Variants in TLE2 observed in about 807,000 individuals in gnomAD.
TLE2 encodes the protein TLE family member 2, transcriptional corepressor.
TLE2 carries 74 observed loss-of-function variants against 97.2 expected under a neutral mutation model. That is an observed-to-expected ratio of 0.76 (90% CI 0.63 to 0.92). The LOEUF is 0.92. Ranked by LOEUF, TLE2 falls within the 40% of genes least tolerant of loss-of-function variation. The pLI is 0.00. For missense variants in TLE2, 1,038 were observed against 1,008.7 expected, an observed-to-expected ratio of 1.03 and a Z score of -0.39; for synonymous variants, 499 against 432.1, an observed-to-expected ratio of 1.15 and a Z score of -1.92.
chr19:3,029,021 G>A lies in TLE2; in HGVS notation c.-117C>T. ...GGCTGCCCGAAGAAAGAGGGAGGAG[G>A]GAGAAGCGGCGCGGGGCAAGGGACC... On this transcript the variant is annotated 5_prime_UTR_variant, in exon 1 of 20. Coordinates refer to ENST00000262953, the MANE Select transcript of TLE2 (RefSeq NM_003260.5). The A allele has an allele frequency of 6.6e-7, 1 of 1,507,866 alleles. No individual in the cohort carries two copies. Among genetic ancestry groups the A allele is most frequent in the South Asian group, 1.3e-5 (1 of 76,280 alleles). The allele number at this position is 1,507,866 out of a possible 1,614,324, so 93.4% of individuals were successfully genotyped here. A position where few individuals can be genotyped will look rare whatever the true frequency, so the allele number is the denominator to read the frequency against.
chr19:3,004,045 A>G (rs1246285489), intron 17 of TLE2, among the ~76,000 whole-genome samples: 1 of 152,084 alleles, frequency 6.6e-6, no homozygotes, highest in African/African-American at 2.4e-5. Flanking sequence ...CCTCCACCTC[A>G]TTTTAAGCAC....
chr19:3,003,627 G>C (rs1253110485), intron 17 of TLE2, among the ~76,000 whole-genome samples: 2 of 137,744 alleles, frequency 1.5e-5, no homozygotes, highest in Non-Finnish European at 3.0e-5. Context: ...GACAGAGCAA[G>C]ACTCTGTCTC....
intron 1 of TLE2, among the ~76,000 whole-genome samples, chr19:3,039,972 G>A (rs919316735): frequency 7.9e-5 from 12 of 152,204 alleles, no homozygotes; most frequent in East Asian, 1.9e-4. Flanking sequence ...CAAATAGCTC[G>A]ATAGATGAAA....
chr19:3,041,860 T>C (rs2145234335), intron 1 of TLE2, among the ~76,000 whole-genome samples: 1 of 152,220 alleles, frequency 6.6e-6, no homozygotes, highest in African/African-American at 2.4e-5. Flanking sequence ...CAGAGAGGCC[T>C]AGGGACCTGC....
intron 14 of TLE2, among the ~76,000 whole-genome samples, chr19:3,007,497 G>A (rs1019118603): frequency 2.0e-5 from 3 of 152,026 alleles, no homozygotes; most frequent in Non-Finnish European, 2.9e-5. Flanking sequence ...TGATCCTCCC[G>A]CCTTGGCCTC....
chr19:2,998,957 A>AT (rs2145098749), intron 19 of TLE2, among the ~76,000 whole-genome samples: 1 of 152,340 alleles, frequency 6.6e-6, no homozygotes, highest in Non-Finnish European at 1.5e-5. Context: ...TAAAGTCTAA[A>AT]TAAGTCCATG....
Position 3,028,405 on chromosome 19 carries a change from G to A in TLE2, c.123-23C>T, listed in dbSNP as rs775412143. 17 of 1,586,374 alleles carry A rather than the reference G, an allele frequency of 1.1e-5. No individual in the cohort carries two copies. The South Asian group carries it at 1.9e-4, about 18-fold the overall frequency. On this transcript the variant is annotated intron_variant, in intron 2 of 19. Transcript: ENST00000262953. The stretch of plus-strand genomic sequence containing the variant: ...AGGCTGAGAAGAAGAGAGAGGGCAA[G>A]GGGCTCCCACCCGCCCCATGTGGGC...
rs191977002 is a variant in TLE2, at chr19:3,017,890, G to C, written c.551-31C>G. 13,830 of 1,609,524 alleles carry C rather than the reference G, an allele frequency of 8.6e-3. 101 individuals are homozygous for C. Among genetic ancestry groups the C allele is most frequent in the Non-Finnish European group, 9.2e-3 (10,860 of 1,177,536 alleles). On this transcript the variant is annotated intron_variant, in intron 7 of 19. Coordinates refer to ENST00000262953, the MANE Select transcript of TLE2 (RefSeq NM_003260.5). ...AGATTGGGAATGGGATAAAGAGAAA[G>C]AAGGAGAAAGAATGAGGCGTTTGTA...
At chr19:3,015,793 G>A (rs2089689963) in intron 8 of TLE2, 33 bp from the exon 9 acceptor site, 1 of 1,512,440 alleles carries the variant, frequency 6.6e-7, no homozygotes, top group South Asian at 1.2e-5. Context: ...GGGAGAAAGG[G>A]TCAGGGCCCT....
At chr19:3,005,357 A>T in intron 17 of TLE2, 80 bp downstream of exon 17, 1 of 1,539,280 alleles carries the variant, frequency 6.5e-7, no homozygotes, top group Non-Finnish European at 8.7e-7. Flanking sequence ...CTGCCTCTGG[A>T]AGTGGGCACC....
chr19:3,044,939 C>T (rs931532798), intron 1 of TLE2, among the ~76,000 whole-genome samples: 5 of 151,318 alleles, frequency 3.3e-5, no homozygotes, highest in South Asian at 2.2e-4. Flanking sequence ...CAGGGAAAGC[C>T]GGGCGCGGTG....
At chr19:3,030,371 C>T (rs949304332), upstream of TLE2, among the ~76,000 whole-genome samples, 7 of 152,304 alleles carry the variant, frequency 4.6e-5, no homozygotes, top group East Asian at 5.8e-4. Context: ...CAGGCCCACC[C>T]GGGGAGTGGG....
intron 19 of TLE2, among the ~76,000 whole-genome samples, chr19:2,998,848 G>A (rs1281888160): frequency 6.6e-6 from 1 of 152,216 alleles, no homozygotes; most frequent in Non-Finnish European, 1.5e-5. Flanking sequence ...GTGTGCACCA[G>A]GCATGATGTC....
At chr19:2,998,245 G>A (rs1443887567) in intron 19 of TLE2, among the ~76,000 whole-genome samples, 7 of 96,256 alleles carry the variant, frequency 7.3e-5, no homozygotes, top group African/African-American at 3.8e-4. Flanking sequence ...CAATGTGTGT[G>A]TGTGTGTGTG....
At chr19:3,040,810 T>A (rs2090094408) in intron 1 of TLE2, among the ~76,000 whole-genome samples, 3 of 151,158 alleles carry the variant, frequency 2.0e-5, no homozygotes, top group Admixed American at 1.3e-4. Flanking sequence ...CTCATTTTTT[T>A]AGATTTTGTA....
At chr19:3,046,956 TC>T (rs1447113294), upstream of TLE2, among the ~76,000 whole-genome samples, 7 of 70,408 alleles carry the variant, frequency 9.9e-5, no homozygotes, top group Non-Finnish European at 1.9e-4. Context: ...CTCCCTTCCC[TC>T]CCTCCTTCTC....
intron 3 of TLE2, 107 bp from the exon 4 acceptor site, chr19:3,027,980 A>G: frequency 8.7e-7 from 1 of 1,153,862 alleles, no homozygotes; most frequent in Non-Finnish European, 1.3e-6. Context: ...GGGGAATCAC[A>G]GCAGGAAGCA....
chr19:3,036,481 G>T (rs964043379), intron 1 of TLE2, among the ~76,000 whole-genome samples: 2 of 152,150 alleles, frequency 1.3e-5, no homozygotes, highest in Non-Finnish European at 2.9e-5. Context: ...TTTGGCTTCC[G>T]ACACCGCCAA....
At position 3,028,814 on chromosome 19, in the gene TLE2, T is replaced by G. The variant is rs780631160; in HGVS notation, c.25-11A>C. 1.3e-4 allele frequency: 201 copies of G among 1,516,954 alleles called. No homozygotes were observed. The highest frequency in any genetic ancestry group is 4.1e-4 in the East Asian group (18 of 44,242). 94.0% of individuals were successfully genotyped at this position (1,516,954 alleles called of 1,614,324 possible). On this transcript the variant is annotated splice_polypyrimidine_tract_variant and intron_variant, in intron 1 of 19. Coordinates refer to ENST00000262953, the MANE Select transcript of TLE2 (RefSeq NM_003260.5). ...GGACTGGAGCGGGGTCTGGGGGGGG[T>G]GTGGGGGAAACGTCAGGGTCTGAGT...
Sources: gnomAD v4.1 joint callset for allele counts (sites outside exome capture counted in the v4.1 genomes callset) on GRCh38, gnomAD v4.1.1 for gene constraint, MANE v1.5 for transcripts, NCBI Gene and HGNC (gene_info 2026-07-23, HGNC 2026-07-21) for gene names.